The following AGAP1 variants were observed in gnomAD, a reference collection of about 807,000 sequenced individuals.
AGAP1 encodes ArfGAP with GTPase domain, ankyrin repeat and PH domain 1.
In AGAP1, 29 loss-of-function variants were observed where a neutral mutation model predicts 105.3. The observed-to-expected ratio is 0.28, with a 90% confidence interval of 0.21 to 0.38. The LOEUF is 0.38. Ranked by LOEUF, AGAP1 falls within the 10% of genes least tolerant of loss-of-function variation. AGAP1 has a pLI of 1.00. For synonymous variants in AGAP1, 509 were observed against 485.9 expected (o/e 1.05, Z -0.63); for missense variants, 998 against 1,165.1 (o/e 0.86, Z 2.09).
In AGAP1 at chr2:235,845,864, C is replaced by A. The variant is rs1559555577; in HGVS notation, c.1051-37481C>A. The stretch of plus-strand genomic sequence containing the variant: ...CTGGATGTGTGTTTGGGCCTCCTCA[C>A]TGGTTTCCAACCTTCAGTCTGTAGC... On this transcript the variant is annotated intron_variant, in intron 9 of 17. Transcript: ENST00000304032. This position sits in a 1 kb window ranked among gnomAD's most constrained non-coding sequence, Gnocchi z 4.8. 6.6e-6 allele frequency among the ~76,000 whole-genome samples: 1 copy of A among 152,050 alleles called. No individual in the cohort carries two copies. The highest frequency in any genetic ancestry group is 1.5e-5 in the Non-Finnish European group (1 of 68,020).
At chr2:236,069,051 C>G (rs1055164916) in intron 16 of AGAP1, among the ~76,000 whole-genome samples, 4 of 151,316 alleles carry the variant, frequency 2.6e-5, no homozygotes, top group Admixed American at 1.3e-4. Context: ...CACTTGAACC[C>G]GCGAGGTGAA....
At chr2:235,667,109 G>A (rs1045264863) in intron 1 of AGAP1, among the ~76,000 whole-genome samples, 3 of 152,146 alleles carry the variant, frequency 2.0e-5, no homozygotes, top group Non-Finnish European at 2.9e-5. Context: ...TTAAAGAGGC[G>A]GGATGGCCCT....
At chr2:236,039,960 A>G (rs2057496794) in intron 14 of AGAP1, among the ~76,000 whole-genome samples, 1 of 152,120 alleles carries the variant, frequency 6.6e-6, no homozygotes, top group Non-Finnish European at 1.5e-5. Flanking sequence ...AAAGAAGACC[A>G]TAGAGCCAGG....
intron 11 of AGAP1, among the ~76,000 whole-genome samples, chr2:235,926,055 C>T (rs2052431311): frequency 6.6e-6 from 1 of 152,162 alleles, no homozygotes; most frequent in Non-Finnish European, 1.5e-5. Context: ...GTTCAAAACT[C>T]CTGTGTGGTA....
intron 13 of AGAP1, among the ~76,000 whole-genome samples, chr2:236,015,151 A>G (rs2056653073): frequency 6.6e-6 from 1 of 151,924 alleles, no homozygotes; most frequent in Admixed American, 6.6e-5. Flanking sequence ...TCAGAAACCT[A>G]TTTTCTCCTC....
chr2:235,983,521 T>C lies in AGAP1; in HGVS notation c.1645+14898T>C, dbSNP rs987595395. ...CATTGTCTTTTTCTCCCTTTCTTAT[T>C]CTCTTTTTTCTTTGAACTTTTTTTT... is the stretch of plus-strand genomic sequence containing the variant. On this transcript the variant is annotated intron_variant, in intron 13 of 17. Coordinates refer to ENST00000304032, the MANE Select transcript of AGAP1 (RefSeq NM_001037131.3). The surrounding 1 kb of genome is among the most constrained non-coding windows in gnomAD (Gnocchi z 4.5). Among the ~76,000 whole-genome samples, 10 of 152,310 alleles carry C rather than the reference T, an allele frequency of 6.6e-5. No homozygotes were observed. Among genetic ancestry groups the C allele is most frequent in the African/African-American group, 2.2e-4 (9 of 41,568 alleles).
In AGAP1 at chr2:235,970,881, G is replaced by GC. The variant is rs2054616016; in HGVS notation, c.1645+2258_1645+2259insC. Among the ~76,000 whole-genome samples, 1 of 152,172 alleles carries GC rather than the reference G, an allele frequency of 6.6e-6. No individual in the cohort carries two copies. The highest frequency in any genetic ancestry group is 1.5e-5 in the Non-Finnish European group (1 of 68,038). ...TGGTATGTGTGTGCGAGGCAATAGT[G>GC]GATACCCAGGCTGAGACACGGGCTC... On this transcript the variant is annotated intron_variant, in intron 13 of 17. Coordinates refer to ENST00000304032, the MANE Select transcript of AGAP1 (RefSeq NM_001037131.3). This position sits in a 1 kb window ranked among gnomAD's most constrained non-coding sequence, Gnocchi z 5.4.
rs979536633 is a variant in AGAP1 at position 235,551,902 on chromosome 2, C to G, written c.163+57053C>G. On this transcript the variant is annotated intron_variant, in intron 1 of 17. Coordinates refer to ENST00000304032, the MANE Select transcript of AGAP1 (RefSeq NM_001037131.3). This position sits in a 1 kb window ranked among gnomAD's most constrained non-coding sequence, Gnocchi z 4.8. Reference sequence around the variant, plus strand: ...GGAGGCGGCCACTGCTGTCTTTCAGCTGTGAGGAGCCAGGAGGGCGATCCC... The same window carrying G: ...GGAGGCGGCCACTGCTGTCTTTCAGGTGTGAGGAGCCAGGAGGGCGATCCC... 6.6e-6 allele frequency among the ~76,000 whole-genome samples: 1 copy of G among 152,212 alleles called. No homozygotes were observed. The highest frequency in any genetic ancestry group is 6.5e-5 in the Admixed American group (1 of 15,284).
chr2:235,739,399 C>T lies in AGAP1; in HGVS notation c.311-1564C>T, dbSNP rs74975911. On this transcript the variant is annotated intron_variant, in intron 3 of 17. Coordinates refer to ENST00000304032, the MANE Select transcript of AGAP1 (RefSeq NM_001037131.3). The surrounding 1 kb of genome is among the most constrained non-coding windows in gnomAD (Gnocchi z 5.3). The stretch of plus-strand genomic sequence containing the variant: ...AGGGACCCTGAGTCTTTGGGACCCT[C>T]GTGCAGCTGGGGCTCACCCTGTCTG... 5.5e-4 allele frequency among the ~76,000 whole-genome samples: 84 copies of T among 152,342 alleles called. No individual in the cohort carries two copies. The East Asian group carries it at 0.012, about 22-fold the overall frequency.
intron 1 of AGAP1, among the ~76,000 whole-genome samples, chr2:235,584,789 C>T (rs541429766): frequency 2.0e-5 from 3 of 152,028 alleles, no homozygotes; most frequent in East Asian, 3.9e-4. Context: ...ACCTGTTTGC[C>T]GCTCACTCCT....
intron 8 of AGAP1, among the ~76,000 whole-genome samples, chr2:235,800,675 C>T (rs1957455656): frequency 6.6e-6 from 1 of 152,208 alleles, no homozygotes; most frequent in East Asian, 1.9e-4. Context: ...GGTGGTTTTG[C>T]TCTCCAAGGA....
In AGAP1 at chr2:235,736,256, C is replaced by T. The variant is rs1952246012; in HGVS notation, c.311-4707C>T. Among the ~76,000 whole-genome samples the T allele has an allele frequency of 1.3e-5, 2 of 151,992 alleles. No homozygotes were observed. The highest frequency in any genetic ancestry group is 4.2e-4 in the South Asian group (2 of 4,802). On this transcript the variant is annotated intron_variant, in intron 3 of 17. Transcript: ENST00000304032. The surrounding 1 kb of genome is among the most constrained non-coding windows in gnomAD (Gnocchi z 5.5). ...GGCGCTGGTCCCTTCCCACGGAGCT[C>T]GCCTAGCACCTGTTCACAGGTGTGC...
chr2:235,806,536 C>T (rs575490955), intron 8 of AGAP1, among the ~76,000 whole-genome samples: 3 of 152,244 alleles, frequency 2.0e-5, no homozygotes, highest in East Asian at 1.9e-4. Context: ...GGCAGCCACT[C>T]GTCGTCCGCA....
rs1946906759 is a variant in AGAP1 at position 235,633,836 on chromosome 2, CCTGT to C, written c.164-75340_164-75337del. Among the ~76,000 whole-genome samples the C allele has an allele frequency of 6.6e-6, 1 of 152,080 alleles. No individual in the cohort carries two copies. The highest frequency in any genetic ancestry group is 6.6e-5 in the Admixed American group (1 of 15,264). On this transcript the variant is annotated intron_variant, in intron 1 of 17. Coordinates refer to ENST00000304032, the MANE Select transcript of AGAP1 (RefSeq NM_001037131.3). This position sits in a 1 kb window ranked among gnomAD's most constrained non-coding sequence, Gnocchi z 4.8. ...GGAAAAGGGGTTTTGGTTTCTATGA[CCTGT>C]CTTAGGGATGAAGAATTCTAGTTCC...
chr2:235,565,228 T>C (rs1017772894), intron 1 of AGAP1, among the ~76,000 whole-genome samples: 1 of 146,900 alleles, frequency 6.8e-6, no homozygotes, highest in Non-Finnish European at 1.5e-5. Context: ...GCCAGGAGCA[T>C]CCTCCCAGGG....
At chr2:235,504,507 C>T (rs12475400) in intron 1 of AGAP1, among the ~76,000 whole-genome samples, 2 of 146,956 alleles carry the variant, frequency 1.4e-5, no homozygotes, top group Non-Finnish European at 3.0e-5. Context: ...GTTTGAGTGG[C>T]TGCCTGTTTC....
At chr2:236,057,709 T>C (rs919613728) in intron 16 of AGAP1, among the ~76,000 whole-genome samples, 3 of 152,168 alleles carry the variant, frequency 2.0e-5, no homozygotes, top group Non-Finnish European at 4.4e-5. Context: ...GGCCATAGAG[T>C]TCCTGGTTCT....
intron 13 of AGAP1, among the ~76,000 whole-genome samples, chr2:236,028,406 T>C (rs1283284946): frequency 6.6e-6 from 1 of 152,200 alleles, no homozygotes; most frequent in African/African-American, 2.4e-5. Flanking sequence ...TGGTCCTTTA[T>C]GTTCTTACTT....
intron 9 of AGAP1, among the ~76,000 whole-genome samples, chr2:235,880,739 C>CA (rs200556615): frequency 0.096 from 8,751 of 91,146 alleles, 650 homozygotes; most frequent in African/African-American, 0.24. Context: ...GACTCCGTCT[C>CA]AAAAAAAAAA....
Sources: gnomAD v4.1 joint callset for allele counts (sites outside exome capture counted in the v4.1 genomes callset) on GRCh38, gnomAD v4.1.1 for gene constraint, Gnocchi (gnomAD v3.1) non-coding constraint, MANE v1.5 for transcripts, NCBI Gene and HGNC (gene_info 2026-07-23, HGNC 2026-07-21) for gene names.